The following ANKRD36 variants were observed in gnomAD, a reference collection of about 807,000 sequenced individuals.
ANKRD36 encodes the protein ankyrin repeat domain 36.
Under a neutral mutation model 278.1 loss-of-function variants are expected in ANKRD36, and 179 were observed. The observed-to-expected ratio is 0.64, with a 90% CI of 0.57 to 0.73. The LOEUF is 0.73. Among genes scored for constraint, ANKRD36 ranks in the 30% least tolerant of loss-of-function variants. ANKRD36 has a pLI of 0.00. For synonymous variants in ANKRD36, 320 were observed against 641.1 expected (o/e 0.50, Z 7.57); for missense variants, 1,159 against 1,956.7 (o/e 0.59, Z 7.69).
chr2:97,200,194 C>G (rs2060952456), intron 44 of ANKRD36, 140 bp from the exon 45 acceptor site: 2 of 1,525,690 alleles, frequency 1.3e-6, no homozygotes, highest in Non-Finnish European at 1.8e-6. Flanking sequence ...ATGTTCTGAT[C>G]CCCAGACACA....
intron 1 of ANKRD36, among the ~76,000 whole-genome samples, chr2:97,117,801 A>G (rs1051023256): frequency 1.3e-5 from 2 of 151,896 alleles, no homozygotes; most frequent in African/African-American, 4.8e-5. Flanking sequence ...TTTTATTGAT[A>G]AGGAAATTGA....
Position 97,187,360 on chromosome 2 carries a change from A to T in ANKRD36, c.2102A>T (p.Asn701Ile), listed in dbSNP as rs2153558281. The T allele has an allele frequency of 6.2e-7, 1 of 1,609,084 alleles. No individual in the cohort carries two copies. Among genetic ancestry groups the T allele is most frequent in the East Asian group, 2.2e-5 (1 of 44,506 alleles). ...ATTDEEDSVS[N>I]IATEIKDGEK... ...ACTGACGAGGAAGACTCTGTTTCGA[A>T]TATAGCCACAGAAATAAAGGATGGA... Residue 701 changes from asparagine (N) to isoleucine (I), a missense_variant, in exon 32 of 76, where the codon AAT (asparagine) becomes ATT (isoleucine). By Grantham distance (149) the Asn-to-Ile change is moderately radical. Coordinates refer to ENST00000420699, the MANE Select transcript of ANKRD36 (RefSeq NM_001354587.1).
chr2:97,150,148 A>G (rs2045527338), intron 12 of ANKRD36, among the ~76,000 whole-genome samples: 1 of 151,920 alleles, frequency 6.6e-6, no homozygotes, highest in Non-Finnish European at 1.5e-5. Context: ...TATTTAGAGT[A>G]TACTTTAAAC....
intron 11 of ANKRD36, among the ~76,000 whole-genome samples, chr2:97,149,008 C>CATTA (rs2045155006): frequency 1.3e-5 from 2 of 151,794 alleles, no homozygotes; most frequent in Non-Finnish European, 2.9e-5. Context: ...CTGGCTGTGC[C>CATTA]ATTATAATGC....
intron 52 of ANKRD36, among the ~76,000 whole-genome samples, 168 bp downstream of exon 52, chr2:97,206,303 G>A (rs1480315775): frequency 6.6e-6 from 1 of 151,382 alleles, no homozygotes; most frequent in Non-Finnish European, 1.5e-5. Context: ...TGCTGGTCTG[G>A]AACATGATCT....
In ANKRD36 at chr2:97,162,145, G is replaced by A. The variant is rs533393656; in HGVS notation, c.1429+7G>A. 2.9e-3 allele frequency: 4,123 copies of A among 1,433,724 alleles called. 1 individual carries two copies. The African/African-American group carries it at 0.057, about 20-fold the overall frequency. The allele number at this position is 1,433,724 out of a possible 1,614,324, so 88.8% of individuals were successfully genotyped here. A position where few individuals can be genotyped will look rare whatever the true frequency, so the allele number is the denominator to read the frequency against. On this transcript the variant is annotated splice_region_variant and intron_variant, in intron 18 of 75. Transcript: ENST00000420699. ...ACTGGACAAAAAGCAAATGGTATTG[G>A]TATTATAAAAAGTGCTCCATGAGAG...
chr2:97,209,197 T>G (rs554759470), intron 54 of ANKRD36, among the ~76,000 whole-genome samples: 38 of 146,772 alleles, frequency 2.6e-4, no homozygotes, highest in Admixed American at 6.7e-4. Context: ...TGAAGTGTAC[T>G]TTCAACTGGA....
intron 16 of ANKRD36, 107 bp from the exon 17 acceptor site, chr2:97,158,481 C>A: frequency 3.4e-6 from 4 of 1,193,996 alleles, no homozygotes; most frequent in South Asian, 1.4e-5. Context: ...CCTGCATTGG[C>A]CCCCCAAACT....
In ANKRD36 at chr2:97,187,335, A is replaced by G. The variant is rs747030963; in HGVS notation, c.2077A>G (p.Thr693Ala). Residue 693 changes from threonine (T) to alanine (A), a missense_variant, in exon 32 of 76, where the codon ACT (threonine) becomes GCT (alanine). Coordinates refer to ENST00000420699, the MANE Select transcript of ANKRD36 (RefSeq NM_001354587.1). The stretch of plus-strand genomic sequence containing the variant: ...TCTTTCAAATTCCATTCAGGCTACA[A>G]CTGACGAGGAAGACTCTGTTTCGAA... ...SQKQPALKAT[T>A]DEEDSVSNIA... The G allele has an allele frequency of 1.0e-5, 16 of 1,607,510 alleles. No individual in the cohort carries two copies. The African/African-American group carries it at 2.0e-4, about 20-fold the overall frequency.
At chr2:97,174,573 A>G (rs891684760) in intron 22 of ANKRD36, among the ~76,000 whole-genome samples, 2 of 151,874 alleles carry the variant, frequency 1.3e-5, no homozygotes, top group African/African-American at 4.8e-5. Context: ...ATCTGCAAAC[A>G]GGGACAATTT....
chr2:97,190,576 G>C (rs1216637914), intron 34 of ANKRD36, among the ~76,000 whole-genome samples: 4 of 151,584 alleles, frequency 2.6e-5, no homozygotes, highest in Non-Finnish European at 1.5e-5. Flanking sequence ...GTAGTACAAT[G>C]GTATAAATCC....
chr2:97,127,327 T>A (rs1364414308), intron 6 of ANKRD36, among the ~76,000 whole-genome samples, 193 bp downstream of exon 6: 2 of 151,894 alleles, frequency 1.3e-5, no homozygotes, highest in African/African-American at 2.4e-5. Flanking sequence ...TCAGTATTGT[T>A]TGAAAAAAAT....
intron 42 of ANKRD36, among the ~76,000 whole-genome samples, chr2:97,198,096 A>C (rs1162130596): frequency 6.6e-6 from 1 of 151,912 alleles, no homozygotes; most frequent in East Asian, 1.9e-4. Flanking sequence ...CATGAAAGAC[A>C]TGTGGGTACA....
At chr2:97,261,011 C>T (rs1362830464) in intron 75 of ANKRD36, among the ~76,000 whole-genome samples, 2 of 128,710 alleles carry the variant, frequency 1.6e-5, no homozygotes, top group African/African-American at 3.3e-5. Flanking sequence ...TTTGGCTTAG[C>T]GAAATGTTGT....
At chr2:97,142,722 A>C in intron 7 of ANKRD36, 41 bp from the exon 8 acceptor site, 2 of 1,610,178 alleles carry the variant, frequency 1.2e-6, no homozygotes, top group Non-Finnish European at 1.7e-6. Flanking sequence ...TCTGTGAAAT[A>C]TACTTTATGT....
chr2:97,143,791 A>G (rs957801903), intron 8 of ANKRD36, among the ~76,000 whole-genome samples: 2 of 152,256 alleles, frequency 1.3e-5, no homozygotes, highest in Admixed American at 6.5e-5. Context: ...TTTATTTTGT[A>G]TAAGTATGCC....
chr2:97,149,426 C>T, intron 12 of ANKRD36, 65 bp downstream of exon 12: 1 of 1,353,504 alleles, frequency 7.4e-7, no homozygotes, highest in Non-Finnish European at 9.9e-7. Flanking sequence ...TTATTTTCTT[C>T]TAAAACTTAG....
chr2:97,142,538 A>G (rs2043165324), intron 6 of ANKRD36, 102 bp from the exon 7 acceptor site: 8 of 1,579,526 alleles, frequency 5.1e-6, no homozygotes, highest in East Asian at 4.5e-5. Context: ...ACCTAAACTA[A>G]TAGGGGCAGG....
At chr2:97,124,016 T>C (rs1245425614) in intron 4 of ANKRD36, among the ~76,000 whole-genome samples, 3 of 150,078 alleles carry the variant, frequency 2.0e-5, no homozygotes, top group African/African-American at 7.3e-5. Context: ...TCAGCATCAT[T>C]AACTGAAGCT....
Sources: gnomAD v4.1 joint callset for allele counts (sites outside exome capture counted in the v4.1 genomes callset) on GRCh38, gnomAD v4.1.1 for gene constraint, MANE v1.5 for transcripts, NCBI Gene and HGNC (gene_info 2026-07-23, HGNC 2026-07-21) for gene names.